Variants in GRM8 observed in about 807,000 individuals in gnomAD.
GRM8 encodes glutamate metabotropic receptor 8.
GRM8 carries 47 observed loss-of-function variants against 87.2 expected under a neutral mutation model. That is an observed-to-expected ratio of 0.54 (90% CI 0.43 to 0.69). GRM8 has a LOEUF of 0.69. Ranked by LOEUF, GRM8 falls within the 30% of genes least tolerant of loss-of-function variation. GRM8 has a pLI of 0.00. For missense variants in GRM8, 1,019 were observed against 1,139.2 expected, an observed-to-expected ratio of 0.89 and a Z score of 1.52; for synonymous variants, 396 against 404.5, an observed-to-expected ratio of 0.98 and a Z score of 0.25.
intron 2 of GRM8, among the ~76,000 whole-genome samples, chr7:127,201,273 A>G (rs139979805): frequency 2.6e-5 from 4 of 152,320 alleles, no homozygotes; most frequent in East Asian, 3.9e-4. Context: ...AAAAAACTCA[A>G]AGGTTACTGT....
At chr7:126,783,707 G>A (rs1186327302) in intron 6 of GRM8, among the ~76,000 whole-genome samples, 1 of 152,192 alleles carries the variant, frequency 6.6e-6, no homozygotes, top group East Asian at 1.9e-4. Context: ...GGTATGGGGT[G>A]TCTGCTTTTT....
intron 3 of GRM8, among the ~76,000 whole-genome samples, chr7:126,957,088 G>C (rs1357828269): frequency 1.3e-5 from 2 of 152,036 alleles, no homozygotes; most frequent in African/African-American, 2.4e-5. Flanking sequence ...AATAAAGTTA[G>C]ACTACTACAC....
chr7:127,204,050 G>A (rs1795769970), intron 2 of GRM8, among the ~76,000 whole-genome samples: 2 of 152,172 alleles, frequency 1.3e-5, no homozygotes, highest in Admixed American at 6.5e-5. Context: ...GAATCTAACT[G>A]TGGAGTTTAT....
At chr7:126,560,110 T>C (rs1793553423) in intron 8 of GRM8, among the ~76,000 whole-genome samples, 2 of 152,212 alleles carry the variant, frequency 1.3e-5, no homozygotes, top group Admixed American at 6.5e-5. Context: ...TGCTTTATTT[T>C]TTAAAGGCAT....
intron 2 of GRM8, among the ~76,000 whole-genome samples, chr7:127,232,212 T>TGTGA (rs1491132484): frequency 1.5e-4 from 21 of 143,646 alleles, no homozygotes; most frequent in South Asian, 2.3e-4. Context: ...TGTGTGTGTG[T>TGTGA]GAGAGAGAGA....
At chr7:126,928,018 C>A (rs1586488070) in intron 3 of GRM8, among the ~76,000 whole-genome samples, 1 of 152,212 alleles carries the variant, frequency 6.6e-6, no homozygotes, top group Middle Eastern at 3.4e-3. Flanking sequence ...ACATATACGT[C>A]ATGGAATATT....
chr7:126,664,566 C>A (rs930059068), intron 7 of GRM8, among the ~76,000 whole-genome samples: 9 of 152,056 alleles, frequency 5.9e-5, no homozygotes, highest in African/African-American at 2.2e-4. Context: ...AACTGGCTAG[C>A]CATATGTGGA....
In GRM8 at chr7:126,828,973, A is replaced by C. The variant is rs376851269; in HGVS notation, c.1157-58908T>G. On this transcript the variant is annotated intron_variant, in intron 6 of 10. Transcript: ENST00000339582. Reference sequence around the variant, plus strand: ...TTTCGTTATGTACCCAGTAGTCATTAAGGAGCAGGTTGTTCAGTTTCCATG... The same window carrying C: ...TTTCGTTATGTACCCAGTAGTCATTCAGGAGCAGGTTGTTCAGTTTCCATG... Among the ~76,000 whole-genome samples, 237 of 152,204 alleles carry C rather than the reference A, an allele frequency of 1.6e-3. 1 individual carries two copies. The highest frequency in any genetic ancestry group is 4.5e-3 in the African/African-American group (185 of 41,558).
At chr7:126,703,676 C>T (rs1250783867) in intron 7 of GRM8, among the ~76,000 whole-genome samples, 1 of 152,162 alleles carries the variant, frequency 6.6e-6, no homozygotes, top group Non-Finnish European at 1.5e-5. Context: ...CCTCTTGCCT[C>T]AATCTTTCAA....
chr7:126,570,003 A>G (rs1391498224), intron 8 of GRM8, among the ~76,000 whole-genome samples: 1 of 152,176 alleles, frequency 6.6e-6, no homozygotes, highest in Admixed American at 6.6e-5. Flanking sequence ...AATTGAGTCT[A>G]TTATTTATCC....
At chr7:126,527,368 G>C (rs546466717) in intron 9 of GRM8, among the ~76,000 whole-genome samples, 10 of 152,026 alleles carry the variant, frequency 6.6e-5, no homozygotes, top group Non-Finnish European at 1.5e-5. Flanking sequence ...AAAAAGAAAA[G>C]AAAAGAAAAG....
At chr7:126,990,919 G>A (rs1384519310) in intron 3 of GRM8, among the ~76,000 whole-genome samples, 1 of 151,672 alleles carries the variant, frequency 6.6e-6, no homozygotes, top group Non-Finnish European at 1.5e-5. Context: ...AAACATTTAG[G>A]GTGTTAGAGA....
intron 8 of GRM8, among the ~76,000 whole-genome samples, chr7:126,608,825 G>A (rs1246757914): frequency 2.0e-5 from 3 of 149,014 alleles, no homozygotes; most frequent in East Asian, 2.0e-4. Context: ...GTGCAGTGGC[G>A]CGACCTCGGC....
intron 9 of GRM8, among the ~76,000 whole-genome samples, chr7:126,502,788 T>C (rs1215091054): frequency 6.6e-6 from 1 of 152,054 alleles, no homozygotes. Context: ...AATACATAAT[T>C]TGGGGTGTCC....
chr7:126,837,691 C>T (rs1045196783), intron 6 of GRM8, among the ~76,000 whole-genome samples: 1 of 152,208 alleles, frequency 6.6e-6, no homozygotes, highest in African/African-American at 2.4e-5. Flanking sequence ...TTCACCTTAA[C>T]CCACTGGCCT....
chr7:126,847,050 T>G (rs570755686), intron 6 of GRM8, among the ~76,000 whole-genome samples: 5 of 152,182 alleles, frequency 3.3e-5, no homozygotes, highest in Non-Finnish European at 7.4e-5. Context: ...TTAAAATGAG[T>G]TTACTTTGGA....
chr7:126,971,391 G>C (rs1027771404), intron 3 of GRM8, among the ~76,000 whole-genome samples: 1 of 152,068 alleles, frequency 6.6e-6, no homozygotes, highest in Admixed American at 6.6e-5. Flanking sequence ...CCTTGCATTA[G>C]GCTTTGCTAA....
chr7:126,514,862 G>C (rs1562905902), intron 9 of GRM8, among the ~76,000 whole-genome samples: 1 of 151,848 alleles, frequency 6.6e-6, no homozygotes, highest in Non-Finnish European at 1.5e-5. Context: ...GAATTTTTTA[G>C]TATTACATTG....
At chr7:126,782,219 A>T (rs1164190289) in intron 6 of GRM8, among the ~76,000 whole-genome samples, 1 of 152,198 alleles carries the variant, frequency 6.6e-6, no homozygotes, top group Non-Finnish European at 1.5e-5. Flanking sequence ...TATATTATTA[A>T]TCTGGAGTGA....
Sources: gnomAD v4.1 joint callset for allele counts (sites outside exome capture counted in the v4.1 genomes callset) on GRCh38, gnomAD v4.1.1 for gene constraint, MANE v1.5 for transcripts, NCBI Gene and HGNC (gene_info 2026-07-23, HGNC 2026-07-21) for gene names.